Variants in SYK observed in about 807,000 individuals in gnomAD.
The protein encoded by SYK is tyrosine-protein kinase SYK.
A neutral mutation model predicts 77.8 loss-of-function variants in SYK; 16 were observed. The observed-to-expected ratio is 0.21, with a 90% confidence interval of 0.14 to 0.31. The LOEUF (loss-of-function observed/expected upper bound fraction) is 0.31, where lower values mean the gene tolerates loss of function less well. SYK is among the 10% of genes least tolerant of loss of function. The pLI is 1.00. For synonymous variants in SYK, 312 were observed against 308.7 expected (o/e 1.01, Z -0.11); for missense variants, 529 against 814.4 (o/e 0.65, Z 4.26).
chr9:90,865,139 A>G (rs1827435212), intron 6 of SYK, 42 bp downstream of exon 6: 2 of 1,585,544 alleles, frequency 1.3e-6, no homozygotes, highest in Middle Eastern at 1.7e-4. Context: ...AAGCTGTTGC[A>G]TATTTCACAA....
At chr9:90,870,014 A>T (rs1396606457) in intron 7 of SYK, among the ~76,000 whole-genome samples, 1 of 152,218 alleles carries the variant, frequency 6.6e-6, no homozygotes, top group African/African-American at 2.4e-5. Context: ...AGGCTGAAGC[A>T]GGAAAATCAC....
At chr9:90,808,932 TCTC>T (rs1824961852) in intron 1 of SYK, among the ~76,000 whole-genome samples, 1 of 152,198 alleles carries the variant, frequency 6.6e-6, no homozygotes, top group South Asian at 2.1e-4. Flanking sequence ...TCATGGAACA[TCTC>T]CTCAGATCCT....
intron 1 of SYK, among the ~76,000 whole-genome samples, chr9:90,839,135 G>T (rs1251409133): frequency 6.6e-6 from 1 of 152,262 alleles, no homozygotes; most frequent in Non-Finnish European, 1.5e-5. Flanking sequence ...AGAAAGAGGA[G>T]GTTGGAGACC....
intron 1 of SYK, among the ~76,000 whole-genome samples, chr9:90,821,526 T>C (rs1158599872): frequency 6.6e-6 from 1 of 152,166 alleles, no homozygotes; most frequent in African/African-American, 2.4e-5. Context: ...GAGAATAGCA[T>C]GGGAAAGACT....
chr9:90,865,891 CTTTT>C (rs10680406), intron 6 of SYK, among the ~76,000 whole-genome samples: 4 of 61,264 alleles, frequency 6.5e-5, no homozygotes, highest in East Asian at 6.0e-4. Flanking sequence ...TACATATGGC[CTTTT>C]TTTTTTTTTT....
At chr9:90,862,387 C>T in intron 4 of SYK, 43 bp downstream of exon 4, 2 of 1,592,680 alleles carry the variant, frequency 1.3e-6, no homozygotes, top group Non-Finnish European at 1.7e-6. Context: ...GAGTACAGGG[C>T]ACGTGGGGCT....
At chr9:90,836,384 A>C in intron 1 of SYK, among the ~76,000 whole-genome samples, 1 of 152,230 alleles carries the variant, frequency 6.6e-6, no homozygotes. Context: ...AAATGTGTAC[A>C]ACTCTATTAT....
In SYK at chr9:90,874,225, C is replaced by T. The variant is rs200684262; in HGVS notation, c.937C>T (p.Arg313Trp). 4.8e-5 allele frequency: 78 copies of T among 1,614,040 alleles called. No homozygotes were observed. The highest frequency in any genetic ancestry group is 3.3e-4 in the Middle Eastern group (2 of 6,084). ...TTAGTCCTCCCCTGCCCAAGGGAAC[C>T]GGCAAGAGAGTACTGTGTCATTCAA... ...HRKSSPAQGNRQESTVSFNPY... is the reference protein window; with the variant it reads ...HRKSSPAQGNWQESTVSFNPY... Residue 313 changes from arginine to tryptophan, a missense_variant, in exon 8 of 14, where the codon CGG becomes TGG. Physicochemically the swap from Arg to Trp is moderately radical, Grantham distance 101. Transcript: ENST00000375754.
In SYK at chr9:90,877,849, C is replaced by T. The variant is rs2290885; in HGVS notation, c.1391+69C>T. The T allele has an allele frequency of 0.16, 241,744 of 1,548,998 alleles. 21,289 individuals are homozygous for T. The highest frequency in any genetic ancestry group is 0.37 in the Admixed American group (21,357 of 56,968). ...GGACAGGGCCCACCCCTGGATGGGC[C>T]GAGCAGCCTGATTTCCTTGGGAAGC... On this transcript the variant is annotated intron_variant, in intron 10 of 13. Coordinates refer to ENST00000375754, the MANE Select transcript of SYK (RefSeq NM_003177.7).
At chr9:90,815,157 GA>G (rs1047029532) in intron 1 of SYK, among the ~76,000 whole-genome samples, 9 of 151,974 alleles carry the variant, frequency 5.9e-5, no homozygotes, top group Non-Finnish European at 1.0e-4. Flanking sequence ...TGTCCATTTT[GA>G]AAAGAAGATG....
rs200438123 is a variant in SYK at position 90,888,599 on chromosome 9, G to C, written c.1807G>C (p.Asp603His). 6.2e-7 allele frequency: 1 copy of C among 1,609,448 alleles called. No homozygotes were observed. The highest frequency in any genetic ancestry group is 1.1e-5 in the South Asian group (1 of 89,630). ...TGCAGGGTGTCCAAGAGAGATGTAC[G>C]ATCTCATGAATCTGTGCTGGACATA... ...CPAGCPREMYDLMNLCWTYDV... is the reference protein window; with the variant it reads ...CPAGCPREMYHLMNLCWTYDV... Residue 603 changes from aspartate (D) to histidine (H), a missense_variant, in exon 13 of 14, where the codon GAT becomes CAT. Physicochemically the swap from Asp to His is moderately conservative, Grantham distance 81. Transcript: ENST00000375754.
At chr9:90,830,466 C>A (rs1277460727) in intron 1 of SYK, among the ~76,000 whole-genome samples, 1 of 152,138 alleles carries the variant, frequency 6.6e-6, no homozygotes, top group African/African-American at 2.4e-5. Flanking sequence ...GAGCCTGGTG[C>A]TGGGTGGGGT....
intron 1 of SYK, among the ~76,000 whole-genome samples, chr9:90,811,941 A>G (rs1448295212): frequency 5.9e-4 from 9 of 15,214 alleles, no homozygotes; most frequent in Admixed American, 1.8e-3. Flanking sequence ...TAATAAGTGA[A>G]AAAAAAAAAA....
intron 1 of SYK, among the ~76,000 whole-genome samples, chr9:90,817,125 T>C (rs1178488347): frequency 6.6e-6 from 1 of 152,216 alleles, no homozygotes; most frequent in Non-Finnish European, 1.5e-5. Flanking sequence ...TCATTAGTGT[T>C]AGTATATTTT....
At chr9:90,851,584 G>A (rs1014822585) in intron 3 of SYK, among the ~76,000 whole-genome samples, 3 of 152,058 alleles carry the variant, frequency 2.0e-5, no homozygotes, top group Admixed American at 6.5e-5. Context: ...TCCAGCCCAC[G>A]TTTGGTGGGT....
intron 1 of SYK, among the ~76,000 whole-genome samples, chr9:90,826,400 G>C (rs989528856): frequency 1.3e-5 from 2 of 152,250 alleles, no homozygotes; most frequent in East Asian, 3.8e-4. Context: ...TCATCATCAT[G>C]GCCATTCTGG....
chr9:90,823,952 A>T (rs76913676), intron 1 of SYK, among the ~76,000 whole-genome samples: 3,951 of 152,106 alleles, frequency 0.026, 192 homozygotes, highest in African/African-American at 0.09. Flanking sequence ...AGTCAATAAA[A>T]CCAATGTTGG....
chr9:90,816,062 G>A (rs1438975926), intron 1 of SYK, among the ~76,000 whole-genome samples: 1 of 152,144 alleles, frequency 6.6e-6, no homozygotes, highest in Non-Finnish European at 1.5e-5. Flanking sequence ...ATTGTTTTTT[G>A]TTTGTTTGTT....
Position 90,897,706 on chromosome 9 carries a change from G to C in SYK, c.*2106G>C. On this transcript the variant is annotated 3_prime_UTR_variant, in exon 14 of 14. Coordinates refer to ENST00000375754, the MANE Select transcript of SYK (RefSeq NM_003177.7). ...ATGCCAAACATCCAGAATGTGATGG[G>C]ACAAGATGGGGGCAGGGGCCTCACC... is the stretch of plus-strand genomic sequence containing the variant. 4.4e-6 allele frequency: 1 copy of C among 225,126 alleles called. No individual in the cohort carries two copies. The highest frequency in any genetic ancestry group is 8.9e-6 in the Non-Finnish European group (1 of 112,888). The allele number at this position is 225,126 out of a possible 1,614,324, so 13.9% of individuals were successfully genotyped here.
Sources: gnomAD v4.1 joint callset for allele counts (sites outside exome capture counted in the v4.1 genomes callset) on GRCh38, gnomAD v4.1.1 for gene constraint, MANE v1.5 for transcripts, NCBI Gene and HGNC (gene_info 2026-07-23, HGNC 2026-07-21) for gene names.